The following ATP2B2 variants were observed in gnomAD, a reference collection of about 807,000 sequenced individuals.
ATP2B2 encodes the protein ATPase plasma membrane Ca2+ transporting 2, also known as plasma membrane calcium-transporting ATPase 2.
In ATP2B2, 15 loss-of-function variants were observed where a neutral mutation model predicts 120.0. The ratio of observed to expected loss-of-function variants is 0.12; its 90% confidence interval spans 0.08 to 0.19. The LOEUF (loss-of-function observed/expected upper bound fraction) is 0.19. Ranked by LOEUF, ATP2B2 falls within the 10% of genes least tolerant of loss-of-function variation. ATP2B2 has a pLI of 1.00. For synonymous variants in ATP2B2, 694 were observed against 700.3 expected (o/e 0.99, Z 0.14); for missense variants, 1,045 against 1,719.8 (o/e 0.61, Z 6.94).
At chr3:10,704,193 A>T (rs1385127611) in intron 1 of ATP2B2, among the ~76,000 whole-genome samples, 1 of 152,196 alleles carries the variant, frequency 6.6e-6, no homozygotes, top group Non-Finnish European at 1.5e-5. Context: ...GCCTCGCCAT[A>T]ACTGAATAAT....
chr3:10,683,740 GTATA>G (rs1229351012), intron 1 of ATP2B2, among the ~76,000 whole-genome samples: 7 of 105,798 alleles, frequency 6.6e-5, no homozygotes, highest in African/African-American at 2.1e-4. Context: ...ATATATATGT[GTATA>G]TATATGTGTG....
chr3:10,552,561 C>G (rs1402544582), intron 2 of ATP2B2, among the ~76,000 whole-genome samples: 1 of 152,344 alleles, frequency 6.6e-6, no homozygotes, highest in East Asian at 1.9e-4. Context: ...TGAGCAACAG[C>G]TATGTGCTGG....
chr3:10,325,807 T>C lies in ATP2B2; in HGVS notation c.*3007A>G, dbSNP rs2059847626. 1 of 152,166 alleles carries C rather than the reference T, an allele frequency of 6.6e-6. No individual in the cohort carries two copies. Among genetic ancestry groups the C allele is most frequent in the South Asian group, 2.1e-4 (1 of 4,832 alleles). 9.4% of individuals were successfully genotyped at this position (152,166 alleles called of 1,614,324 possible). ...GGGCTCCCTGCCCTTCCCTCATCTG[T>C]TGAGGGGGAGACAAGTTGGTGAGCT... On this transcript the variant is annotated 3_prime_UTR_variant, in exon 23 of 23. Transcript: ENST00000360273.
intron 3 of ATP2B2, among the ~76,000 whole-genome samples, chr3:10,525,094 A>G (rs2067065051): frequency 6.6e-6 from 1 of 152,184 alleles, no homozygotes; most frequent in Non-Finnish European, 1.5e-5. Flanking sequence ...ACTGGTTTTC[A>G]ACAAACAGCC....
At chr3:10,643,439 C>T (rs2070228842) in intron 1 of ATP2B2, among the ~76,000 whole-genome samples, 1 of 152,158 alleles carries the variant, frequency 6.6e-6, no homozygotes, top group Non-Finnish European at 1.5e-5. Context: ...GCATTATTTA[C>T]CTAGTCTTCA....
chr3:10,608,028 A>C (rs2069132236), intron 2 of ATP2B2, among the ~76,000 whole-genome samples: 1 of 152,152 alleles, frequency 6.6e-6, no homozygotes, highest in Admixed American at 6.5e-5. Flanking sequence ...TCCACTTTGA[A>C]ATCATCCCTG....
At chr3:10,602,310 C>T (rs181232598) in intron 2 of ATP2B2, among the ~76,000 whole-genome samples, 26 of 152,334 alleles carry the variant, frequency 1.7e-4, no homozygotes, top group African/African-American at 5.3e-4. Flanking sequence ...CAGACTCTGC[C>T]GTTGTGGAAG....
At chr3:10,614,167 T>G (rs2069318304) in intron 2 of ATP2B2, among the ~76,000 whole-genome samples, 1 of 152,074 alleles carries the variant, frequency 6.6e-6, no homozygotes. Context: ...ATTGTCCATC[T>G]CCCTTAGGAG....
chr3:10,703,095 G>C (rs942877467), intron 1 of ATP2B2, among the ~76,000 whole-genome samples: 51 of 152,268 alleles, frequency 3.3e-4, no homozygotes, highest in African/African-American at 1.1e-3. Flanking sequence ...AACATCCCCA[G>C]TCCTCCGTCA....
intron 12 of ATP2B2, among the ~76,000 whole-genome samples, chr3:10,361,992 T>C (rs1255787482): frequency 2.0e-5 from 3 of 152,092 alleles, no homozygotes; most frequent in Non-Finnish European, 2.9e-5. Context: ...TGCAGGTGGC[T>C]CCCATGTGCA....
chr3:10,375,676 T>C lies in ATP2B2; in HGVS notation c.1202-32A>G. 6.2e-7 allele frequency: 1 copy of C among 1,600,752 alleles called. No homozygotes were observed. The highest frequency in any genetic ancestry group is 8.6e-7 in the Non-Finnish European group (1 of 1,169,274). ...TGTGAGGGACACATGCTTGGGGGGT[T>C]CCAGGAAGTGGAGGCTGGGGGTGGT... On this transcript the variant is annotated intron_variant, in intron 10 of 22. Coordinates refer to ENST00000360273, the MANE Select transcript of ATP2B2 (RefSeq NM_001001331.4). This position sits in a 1 kb window ranked among gnomAD's most constrained non-coding sequence, Gnocchi z 4.2.
Position 10,505,571 on chromosome 3 carries a change from C to A in ATP2B2, c.-426G>T, listed in dbSNP as rs1324753171. ...GCTGAGCCCAGCCAGCGTGCCCGGG[C>A]CCCTCTGCAGACTGTACCATCCTGC... On this transcript the variant is annotated 5_prime_UTR_variant, in exon 1 of 23. Transcript: ENST00000360273. The A allele has an allele frequency of 6.8e-6, 1 of 147,966 alleles. No homozygotes were observed. Among genetic ancestry groups the A allele is most frequent in the East Asian group, 2.0e-4 (1 of 5,032 alleles). 9.2% of individuals were successfully genotyped at this position (147,966 alleles called of 1,614,324 possible).
intron 1 of ATP2B2, among the ~76,000 whole-genome samples, chr3:10,661,675 G>A (rs937067109): frequency 1.2e-4 from 18 of 152,090 alleles, no homozygotes; most frequent in Admixed American, 3.9e-4. Context: ...CCATACTGCC[G>A]AAGGTAATTT....
intron 5 of ATP2B2, among the ~76,000 whole-genome samples, chr3:10,391,628 C>T (rs2061853000): frequency 6.6e-6 from 1 of 152,190 alleles, no homozygotes; most frequent in Admixed American, 6.5e-5. Flanking sequence ...GCGCTCCCCG[C>T]CCAGACCTGG....
chr3:10,461,493 C>T (rs564432316), intron 1 of ATP2B2, among the ~76,000 whole-genome samples: 102 of 152,280 alleles, frequency 6.7e-4, no homozygotes, highest in Non-Finnish European at 1.1e-3. Context: ...GTGTTCTCTC[C>T]TTCCTCTCCT....
At chr3:10,352,985 G>A (rs1204115507) in intron 14 of ATP2B2, among the ~76,000 whole-genome samples, 4 of 152,242 alleles carry the variant, frequency 2.6e-5, no homozygotes, top group East Asian at 3.9e-4. Flanking sequence ...GTTCCCAGGT[G>A]TCCTCAACAG....
intron 1 of ATP2B2, among the ~76,000 whole-genome samples, chr3:10,661,654 C>G (rs1171763248): frequency 2.0e-5 from 3 of 152,234 alleles, no homozygotes; most frequent in East Asian, 3.9e-4. Flanking sequence ...GAATCAATAT[C>G]GTGAAAATGG....
chr3:10,669,383 C>T (rs1243327769), intron 1 of ATP2B2, among the ~76,000 whole-genome samples: 1 of 152,160 alleles, frequency 6.6e-6, no homozygotes, highest in South Asian at 2.1e-4. Flanking sequence ...CCAGCCCATA[C>T]CCCATTCCTA....
intron 2 of ATP2B2, among the ~76,000 whole-genome samples, chr3:10,547,709 C>G (rs1255660922): frequency 1.3e-5 from 2 of 152,138 alleles, no homozygotes; most frequent in Non-Finnish European, 2.9e-5. Context: ...CATGAAAGTT[C>G]TGAATATTAG....
Sources: gnomAD v4.1 joint callset for allele counts (sites outside exome capture counted in the v4.1 genomes callset) on GRCh38, gnomAD v4.1.1 for gene constraint, Gnocchi (gnomAD v3.1) non-coding constraint, MANE v1.5 for transcripts, NCBI Gene and HGNC (gene_info 2026-07-23, HGNC 2026-07-21) for gene names.